The following FHOD3 variants were observed in gnomAD, a reference collection of about 807,000 sequenced individuals.
FHOD3 encodes the protein FH1/FH2 domain-containing protein 3.
Under a neutral mutation model 173.0 loss-of-function variants are expected in FHOD3, and 90 were observed. The observed-to-expected ratio is 0.52, with a 90% CI of 0.44 to 0.62. FHOD3 has a LOEUF of 0.62. FHOD3 is among the 20% of genes least tolerant of loss of function. The pLI is 0.00. For missense variants in FHOD3, 1,945 were observed against 2,034.7 expected, an observed-to-expected ratio of 0.96 and a Z score of 0.85; for synonymous variants, 828 against 823.0, an observed-to-expected ratio of 1.01 and a Z score of -0.10.
intron 4 of FHOD3, among the ~76,000 whole-genome samples, chr18:36,511,591 T>G (rs72893809): frequency 6.6e-6 from 1 of 152,222 alleles, no homozygotes; most frequent in Non-Finnish European, 1.5e-5. Flanking sequence ...TGAAGGAGTC[T>G]GGGGTGAGAA....
At chr18:36,565,572 C>T (rs1322488426) in intron 5 of FHOD3, among the ~76,000 whole-genome samples, 8 of 152,296 alleles carry the variant, frequency 5.3e-5, no homozygotes, top group African/African-American at 1.2e-4. Flanking sequence ...ACCACTGATA[C>T]TTGCTTATAG....
intron 5 of FHOD3, among the ~76,000 whole-genome samples, chr18:36,547,607 TAA>T (rs2057464352): frequency 6.6e-6 from 1 of 152,032 alleles, no homozygotes; most frequent in Admixed American, 6.5e-5. Context: ...ACAAGGAACA[TAA>T]GCATTTATGT....
At chr18:36,774,810 T>G (rs540822226) in intron 28 of FHOD3, among the ~76,000 whole-genome samples, 1 of 152,348 alleles carries the variant, frequency 6.6e-6, no homozygotes, top group South Asian at 2.1e-4. Flanking sequence ...GTCCTATTTT[T>G]GCTCTACGAT....
intron 5 of FHOD3, among the ~76,000 whole-genome samples, chr18:36,516,972 C>T (rs1005381916): frequency 6.6e-6 from 1 of 151,484 alleles, no homozygotes; most frequent in African/African-American, 2.4e-5. Context: ...TATTTGCATA[C>T]ACAGCCCCCT....
At chr18:36,623,575 G>T (rs1402894894) in intron 9 of FHOD3, among the ~76,000 whole-genome samples, 2 of 152,178 alleles carry the variant, frequency 1.3e-5, no homozygotes, top group Non-Finnish European at 2.9e-5. Context: ...CAATGCAGAA[G>T]GATACTCCTA....
chr18:36,493,301 C>G (rs1365325391), intron 3 of FHOD3, among the ~76,000 whole-genome samples: 1 of 151,036 alleles, frequency 6.6e-6, no homozygotes, highest in African/African-American at 2.4e-5. Context: ...TTCCAAAGTC[C>G]GACCAAGCAA....
In FHOD3 at chr18:36,779,435, A is replaced by G; in HGVS notation, c.4787-13A>G. On this transcript the variant is annotated splice_polypyrimidine_tract_variant and intron_variant, in intron 28 of 28. Transcript: ENST00000590592. ...TCTCATCCCTTTGGGTGTGACCTGC[A>G]CCACCACTGCAGTGCGAAGAACCCT... 6.2e-7 allele frequency: 1 copy of G among 1,613,912 alleles called. No individual in the cohort carries two copies. Among genetic ancestry groups the G allele is most frequent in the Non-Finnish European group, 8.5e-7 (1 of 1,179,882 alleles).
intron 14 of FHOD3, among the ~76,000 whole-genome samples, chr18:36,672,240 A>G (rs2149326472): frequency 6.6e-6 from 1 of 152,346 alleles, no homozygotes; most frequent in Middle Eastern, 3.4e-3. Context: ...ATATTTTCAA[A>G]ACCCATCCTG....
intron 17 of FHOD3, among the ~76,000 whole-genome samples, chr18:36,699,685 A>G (rs971847978): frequency 6.6e-6 from 1 of 152,120 alleles, no homozygotes; most frequent in Non-Finnish European, 1.5e-5. Context: ...CCATCTTTGG[A>G]ACACATTTGT....
At chr18:36,586,223 G>T (rs1030826929) in intron 6 of FHOD3, among the ~76,000 whole-genome samples, 2 of 152,204 alleles carry the variant, frequency 1.3e-5, no homozygotes, top group African/African-American at 4.8e-5. Flanking sequence ...AACCTCCATA[G>T]TATAGTGGAA....
rs1406338400 is a variant in FHOD3, at chr18:36,621,290, A to AAGATTCTTCCT, written c.958-4220_958-4210dup. 3.3e-5 allele frequency among the ~76,000 whole-genome samples: 5 copies of AAGATTCTTCCT among 152,330 alleles called. No homozygotes were observed. In the East Asian group the frequency reaches 9.6e-4, roughly 29 times the overall value. The stretch of plus-strand genomic sequence containing the variant: ...GAGTAATTAATAGGTCCAATCTCTG[A>AAGATTCTTCCT]AGATTCTTCCTTGTCATAGGTGATA... On this transcript the variant is annotated intron_variant, in intron 9 of 28. Transcript: ENST00000590592.
chr18:36,378,406 C>T (rs2146213749), intron 3 of FHOD3, among the ~76,000 whole-genome samples: 1 of 152,144 alleles, frequency 6.6e-6, no homozygotes, highest in South Asian at 2.1e-4. Context: ...TCTGTCACAG[C>T]TCCCAGGAGA....
chr18:36,700,755 A>G (rs2149572778), intron 17 of FHOD3, among the ~76,000 whole-genome samples: 1 of 152,068 alleles, frequency 6.6e-6, no homozygotes, highest in South Asian at 2.1e-4. Flanking sequence ...TGTGGCATTC[A>G]AGACCCTTTG....
At chr18:36,576,812 A>G (rs1295358611) in intron 6 of FHOD3, among the ~76,000 whole-genome samples, 1 of 152,224 alleles carries the variant, frequency 6.6e-6, no homozygotes, top group Non-Finnish European at 1.5e-5. Flanking sequence ...ATCAAATGTT[A>G]TACCATAGGG....
intron 1 of FHOD3, 58 bp downstream of exon 1, chr18:36,298,058 G>A: frequency 1.4e-6 from 2 of 1,389,242 alleles, no homozygotes; most frequent in Non-Finnish European, 1.9e-6. Flanking sequence ...CGCGGTGCGC[G>A]CCGGGGTGGG....
intron 5 of FHOD3, among the ~76,000 whole-genome samples, chr18:36,573,560 G>A (rs2058536010): frequency 6.6e-6 from 1 of 152,140 alleles, no homozygotes; most frequent in Non-Finnish European, 1.5e-5. Context: ...GAGCCATGAT[G>A]GCACCACTGC....
intron 5 of FHOD3, among the ~76,000 whole-genome samples, chr18:36,556,569 A>G (rs528187632): frequency 1.3e-5 from 2 of 152,338 alleles, no homozygotes; most frequent in South Asian, 4.1e-4. Flanking sequence ...TGTGTATAGT[A>G]TAAGAAACTT....
intron 3 of FHOD3, among the ~76,000 whole-genome samples, chr18:36,499,450 G>A (rs2054911741): frequency 6.6e-6 from 1 of 152,200 alleles, no homozygotes; most frequent in Non-Finnish European, 1.5e-5. Flanking sequence ...TTCTACTGAT[G>A]TTCTTCCTGG....
At chr18:36,439,685 T>C (rs558359886) in intron 3 of FHOD3, among the ~76,000 whole-genome samples, 1 of 152,196 alleles carries the variant, frequency 6.6e-6, no homozygotes, top group South Asian at 2.1e-4. Flanking sequence ...TTGAGTTTGA[T>C]GGCCAAGAAC....
Sources: allele counts gnomAD v4.1 joint callset (sites outside exome capture counted in the v4.1 genomes callset), GRCh38; gene constraint gnomAD v4.1.1; transcripts MANE v1.5; gene names NCBI Gene and HGNC (gene_info 2026-07-23, HGNC 2026-07-21).